The following ARHGAP6 variants were observed in gnomAD, a reference collection of about 807,000 sequenced individuals.
The protein encoded by ARHGAP6 is rho GTPase-activating protein 6.
Under a neutral mutation model 55.7 loss-of-function variants are expected in ARHGAP6, and 16 were observed. That is an observed-to-expected ratio of 0.29 (90% CI 0.19 to 0.44). The LOEUF is 0.44. Ranked by LOEUF, ARHGAP6 falls within the 20% of genes least tolerant of loss-of-function variation. The pLI is 1.00. For synonymous variants in ARHGAP6, 382 were observed against 360.9 expected (o/e 1.06, Z -0.66); for missense variants, 698 against 808.9 (o/e 0.86, Z 1.66).
intron 1 of ARHGAP6, among the ~76,000 whole-genome samples, chrX:11,276,660 T>C (rs1243344514): frequency 2.7e-5 from 3 of 111,849 alleles, no homozygotes. Context: ...CACTTACTGG[T>C]TCACATCTGA....
At chrX:11,619,549 T>A (rs761655071) in intron 1 of ARHGAP6, among the ~76,000 whole-genome samples, 19 of 112,454 alleles carry the variant, frequency 1.7e-4, no homozygotes, top group Admixed American at 7.5e-4. Context: ...TATGGTTAAT[T>A]CAGGGTTTAG....
chrX:11,525,233 C>G (rs967467256), intron 1 of ARHGAP6, among the ~76,000 whole-genome samples: 2 of 111,662 alleles, frequency 1.8e-5, no homozygotes, highest in African/African-American at 6.5e-5. Context: ...TGTTGGCAAC[C>G]AAAAATGTCT....
intron 1 of ARHGAP6, among the ~76,000 whole-genome samples, chrX:11,565,573 GGC>G (rs1389980315): frequency 8.9e-6 from 1 of 112,345 alleles, no homozygotes; most frequent in East Asian, 2.8e-4. Context: ...TTGGGCCAGT[GGC>G]CCATGGGAGG....
intron 1 of ARHGAP6, chrX:11,335,735 C>T (rs1426694627): frequency 9.4e-6 from 3 of 320,802 alleles, no homozygotes; most frequent in Admixed American, 3.1e-5. Flanking sequence ...CATCTTTTTG[C>T]TGTTGATTTC....
intron 3 of ARHGAP6, among the ~76,000 whole-genome samples, chrX:11,194,986 G>A (rs192097105): frequency 1.4e-4 from 16 of 112,139 alleles, no homozygotes; most frequent in Non-Finnish European, 2.1e-4. Flanking sequence ...TTCAAGACTC[G>A]TTGACTGTGT....
chrX:11,447,259 GTCA>G (rs778270979), intron 1 of ARHGAP6, among the ~76,000 whole-genome samples: 13 of 112,217 alleles, frequency 1.2e-4, no homozygotes, highest in African/African-American at 4.2e-4. Flanking sequence ...CCTTCCATGT[GTCA>G]TCATTTACAA....
chrX:11,443,927 C>CAAACA (rs530992668), intron 1 of ARHGAP6, among the ~76,000 whole-genome samples: 4 of 104,804 alleles, frequency 3.8e-5, no homozygotes, highest in African/African-American at 1.4e-4. Flanking sequence ...GACTCCGTCT[C>CAAACA]AAACAAAACA....
At chrX:11,436,123 T>C (rs1015528798) in intron 1 of ARHGAP6, among the ~76,000 whole-genome samples, 2 of 112,139 alleles carry the variant, frequency 1.8e-5, no homozygotes, top group African/African-American at 6.5e-5. Context: ...CCATGCAGAG[T>C]CTATCGAAAA....
At chrX:11,347,145 A>T (rs1367883070) in intron 1 of ARHGAP6, among the ~76,000 whole-genome samples, 1 of 112,598 alleles carries the variant, frequency 8.9e-6, no homozygotes, top group African/African-American at 3.2e-5. Flanking sequence ...GAAAATTTAT[A>T]GGCAAAAATA....
rs1043243847 is a variant in ARHGAP6, at chrX:11,440,434, C to T, written c.589-185727G>A. Among the ~76,000 whole-genome samples, 3 of 112,259 alleles carry T rather than the reference C, an allele frequency of 2.7e-5. No homozygotes were observed. The South Asian group carries it at 1.1e-3, about 42-fold the overall frequency. On this transcript the variant is annotated intron_variant, in intron 1 of 12. Coordinates refer to ENST00000337414, the MANE Select transcript of ARHGAP6 (RefSeq NM_013427.3). Reference sequence around the variant, plus strand: ...GGAGATGCCCACTGAAATTCTAGGTCACACATTGAATGTGATTCCTTTGTT... The same window carrying T: ...GGAGATGCCCACTGAAATTCTAGGTTACACATTGAATGTGATTCCTTTGTT...
chrX:11,368,276 C>T (rs1287545338), intron 1 of ARHGAP6, among the ~76,000 whole-genome samples: 4 of 112,290 alleles, frequency 3.6e-5, no homozygotes, highest in Non-Finnish European at 5.6e-5. Context: ...GTTTATTTTT[C>T]GGCATGGAAG....
chrX:11,310,597 A>T (rs2048289376), intron 1 of ARHGAP6, among the ~76,000 whole-genome samples: 1 of 111,802 alleles, frequency 8.9e-6, no homozygotes, highest in Non-Finnish European at 1.9e-5. Context: ...CAAAAGACCA[A>T]ATGAAATACT....
At chrX:11,446,869 T>G (rs907596548) in intron 1 of ARHGAP6, among the ~76,000 whole-genome samples, 1 of 111,902 alleles carries the variant, frequency 8.9e-6, no homozygotes, top group Non-Finnish European at 1.9e-5. Context: ...ACATTGAGTC[T>G]CACATCTTGT....
chrX:11,553,810 A>G (rs1182996893), intron 1 of ARHGAP6, among the ~76,000 whole-genome samples: 1 of 111,926 alleles, frequency 8.9e-6, no homozygotes, highest in African/African-American at 3.3e-5. Flanking sequence ...GTCAGCTTGT[A>G]CCAAGCTGGT....
intron 1 of ARHGAP6, chrX:11,294,637 G>C: frequency 4.5e-6 from 3 of 659,356 alleles, no homozygotes; most frequent in Non-Finnish European, 7.4e-6. Context: ...AATCACATAT[G>C]ACTGAAGTAA....
chrX:11,452,677 A>T (rs761557657), intron 1 of ARHGAP6, among the ~76,000 whole-genome samples: 5 of 111,890 alleles, frequency 4.5e-5, no homozygotes, highest in Non-Finnish European at 9.4e-5. Context: ...CAAATAATTG[A>T]ATTTTTCAAC....
chrX:11,479,623 G>T (rs967478087), intron 1 of ARHGAP6, among the ~76,000 whole-genome samples: 2 of 110,667 alleles, frequency 1.8e-5, no homozygotes, highest in African/African-American at 6.6e-5. Context: ...CTCATCTCTC[G>T]CCATCTTGAA....
intron 10 of ARHGAP6, among the ~76,000 whole-genome samples, chrX:11,151,387 C>T (rs768425455): frequency 9.1e-6 from 1 of 110,078 alleles, no homozygotes; most frequent in East Asian, 2.8e-4. Context: ...GCCTCATCCT[C>T]CCGAGTAGCT....
intron 1 of ARHGAP6, among the ~76,000 whole-genome samples, chrX:11,436,723 C>T (rs970928770): frequency 1.8e-5 from 2 of 111,835 alleles, no homozygotes; most frequent in African/African-American, 6.5e-5. Flanking sequence ...GAATGAAATA[C>T]TGATAAAACG....
Sources: allele counts gnomAD v4.1 joint callset (sites outside exome capture counted in the v4.1 genomes callset), GRCh38; gene constraint gnomAD v4.1.1; transcripts MANE v1.5; gene names NCBI Gene and HGNC (gene_info 2026-07-23, HGNC 2026-07-21).